PPP2R5A: variants seen among roughly 807,000 people sequenced by gnomAD.
PPP2R5A encodes the protein serine/threonine-protein phosphatase 2A 56 kDa regulatory subunit alpha isoform.
PPP2R5A carries 25 observed loss-of-function variants against 64.2 expected under a neutral mutation model. That is an observed-to-expected ratio of 0.39 (90% CI 0.28 to 0.54). The LOEUF is 0.54. PPP2R5A is among the 20% of genes least tolerant of loss of function. The pLI is 0.67. For missense variants in PPP2R5A, 425 were observed against 576.3 expected (o/e 0.74, Z 2.69); for synonymous variants, 198 against 201.2 (o/e 0.98, Z 0.13).
chr1:212,292,930 G>C (rs1351918523), intron 1 of PPP2R5A, among the ~76,000 whole-genome samples: 1 of 152,160 alleles, frequency 6.6e-6, no homozygotes, highest in Admixed American at 6.5e-5. Flanking sequence ...GGGAATCCAA[G>C]GGAGAGAATA....
chr1:212,317,246 G>A (rs878944165), intron 1 of PPP2R5A, among the ~76,000 whole-genome samples: 1 of 151,822 alleles, frequency 6.6e-6, no homozygotes, highest in Non-Finnish European at 1.5e-5. Flanking sequence ...CTTTTTTTTG[G>A]TGGGGGGTCT....
rs567428186 is a variant in PPP2R5A, at chr1:212,290,361, C to G, written c.181+4070C>G. Among the ~76,000 whole-genome samples the G allele has an allele frequency of 1.9e-4, 29 of 152,290 alleles. No homozygotes were observed. In the South Asian group the frequency reaches 6.0e-3, roughly 32 times the overall value. On this transcript the variant is annotated intron_variant, in intron 1 of 12. Coordinates refer to ENST00000261461, the MANE Select transcript of PPP2R5A (RefSeq NM_006243.4). Reference sequence around the variant, plus strand: ...AACTTTTAAGGTTTATAGATCTTCTCAAAGTTACTATCATTCCATCTAAAC... The same window carrying G: ...AACTTTTAAGGTTTATAGATCTTCTGAAAGTTACTATCATTCCATCTAAAC...
chr1:212,360,911 T>C lies in PPP2R5A; in HGVS notation c.*141T>C, dbSNP rs562935765. 4.2e-4 allele frequency: 300 copies of C among 710,980 alleles called. 2 individuals are homozygous for C. In the South Asian group the frequency reaches 7.2e-3, roughly 17 times the overall value. The allele number at this position is 710,980 out of a possible 1,614,324, so 44.0% of individuals were successfully genotyped here. On this transcript the variant is annotated 3_prime_UTR_variant, in exon 13 of 13. Coordinates refer to ENST00000261461, the MANE Select transcript of PPP2R5A (RefSeq NM_006243.4). ...TGGCAACTGTAAATGGAAAAATATA[T>C]GGACTAAACGTAGCCCTGTGCTGTA...
chr1:212,309,278 G>C lies in PPP2R5A; in HGVS notation c.182-19857G>C, dbSNP rs1267241386. ...TTCTTCATGGCAGACTCAGTGGTCA[G>C]CGGAAACTTGATGATAGCATAGTGG... On this transcript the variant is annotated intron_variant, in intron 1 of 12. Coordinates refer to ENST00000261461, the MANE Select transcript of PPP2R5A (RefSeq NM_006243.4). 2.6e-6 allele frequency: 4 copies of C among 1,527,170 alleles called. No homozygotes were observed. In the Admixed American group the frequency reaches 5.0e-5, roughly 19 times the overall value. 94.6% of individuals were successfully genotyped at this position (1,527,170 alleles called of 1,614,324 possible). A position where few individuals can be genotyped will look rare whatever the true frequency, so the allele number is the denominator to read the frequency against.
chr1:212,308,853 G>C (rs369100635), intron 1 of PPP2R5A, among the ~76,000 whole-genome samples: 1 of 151,674 alleles, frequency 6.6e-6, no homozygotes, highest in Admixed American at 6.6e-5. Flanking sequence ...GCCAGTTCTC[G>C]TCTCCTCATG....
intron 3 of PPP2R5A, among the ~76,000 whole-genome samples, chr1:212,338,257 T>C (rs1400960651): frequency 6.6e-6 from 1 of 152,336 alleles, no homozygotes. Context: ...ATAGTAAGAT[T>C]ACACTCCTCA....
rs142657234 is a variant in PPP2R5A, at chr1:212,347,600, C to T, written c.764+194C>T. On this transcript the variant is annotated intron_variant, in intron 6 of 12. Transcript: ENST00000261461. ...TGTTGCCCAGGCTGGAGTGCAATGG[C>T]GCGTTCTCGGCTCACTGCAACCTCT... Among the ~76,000 whole-genome samples, 2,165 of 150,858 alleles carry T rather than the reference C, an allele frequency of 0.014. 49 individuals are homozygous for T. Among genetic ancestry groups the T allele is most frequent in the African/African-American group, 0.048 (1,987 of 41,010 alleles).
At chr1:212,316,395 ACAT>A (rs1659153555) in intron 1 of PPP2R5A, among the ~76,000 whole-genome samples, 1 of 152,176 alleles carries the variant, frequency 6.6e-6, no homozygotes, top group Non-Finnish European at 1.5e-5. Flanking sequence ...AACAGCCATA[ACAT>A]TTCCTTAAGC....
intron 8 of PPP2R5A, among the ~76,000 whole-genome samples, chr1:212,352,242 T>C (rs1006147606): frequency 6.6e-6 from 1 of 151,926 alleles, no homozygotes; most frequent in Admixed American, 6.6e-5. Flanking sequence ...TTGCCCAGGC[T>C]GGTCTCAAAC....
intron 3 of PPP2R5A, among the ~76,000 whole-genome samples, chr1:212,341,298 C>A (rs1411959337): frequency 1.3e-5 from 2 of 152,104 alleles, no homozygotes; most frequent in Non-Finnish European, 2.9e-5. Context: ...ACATTTCTTC[C>A]CTAGCCCTGT....
At chr1:212,323,435 A>G (rs1372490570) in intron 1 of PPP2R5A, among the ~76,000 whole-genome samples, 2 of 152,254 alleles carry the variant, frequency 1.3e-5, no homozygotes, top group South Asian at 2.1e-4. Flanking sequence ...AATAGACATT[A>G]TATACTTAAT....
At chr1:212,295,273 G>A (rs1658671074) in intron 1 of PPP2R5A, among the ~76,000 whole-genome samples, 1 of 152,166 alleles carries the variant, frequency 6.6e-6, no homozygotes, top group Non-Finnish European at 1.5e-5. Context: ...GCAAAATCTG[G>A]TGAGAGGGAA....
chr1:212,344,727 C>CT (rs779894791), intron 4 of PPP2R5A, among the ~76,000 whole-genome samples: 185 of 152,148 alleles, frequency 1.2e-3, no homozygotes, highest in Non-Finnish European at 1.7e-3. Context: ...GAGATTTTGA[C>CT]TTTAACTTTT....
At chr1:212,289,125 G>C (rs1025269441) in intron 1 of PPP2R5A, among the ~76,000 whole-genome samples, 1 of 152,146 alleles carries the variant, frequency 6.6e-6, no homozygotes, top group Non-Finnish European at 1.5e-5. Flanking sequence ...ATTCTGGAAG[G>C]CTTGGTTTGG....
intron 1 of PPP2R5A, among the ~76,000 whole-genome samples, chr1:212,306,267 G>A (rs1424861260): frequency 6.6e-6 from 1 of 152,102 alleles, no homozygotes; most frequent in Non-Finnish European, 1.5e-5. Flanking sequence ...GGAAAGGAAT[G>A]TGAGCTGGTA....
intron 1 of PPP2R5A, among the ~76,000 whole-genome samples, chr1:212,322,048 C>T (rs1284872969): frequency 5.3e-5 from 8 of 151,444 alleles, no homozygotes; most frequent in Middle Eastern, 3.2e-3. Flanking sequence ...ACCAGTCAGG[C>T]GTGGCGGCGC....
chr1:212,311,115 A>C (rs1221412407), intron 1 of PPP2R5A, among the ~76,000 whole-genome samples: 1 of 152,208 alleles, frequency 6.6e-6, no homozygotes, highest in African/African-American at 2.4e-5. Flanking sequence ...TCATAGAACA[A>C]GGCATGACTC....
chr1:212,301,277 G>T (rs1658796314), intron 1 of PPP2R5A, among the ~76,000 whole-genome samples: 1 of 152,302 alleles, frequency 6.6e-6, no homozygotes, highest in South Asian at 2.1e-4. Context: ...CCCCCAAAGT[G>T]CTGGGATTAC....
At chr1:212,292,520 A>G (rs1490618574) in intron 1 of PPP2R5A, among the ~76,000 whole-genome samples, 1 of 152,112 alleles carries the variant, frequency 6.6e-6, no homozygotes, top group African/African-American at 2.4e-5. Flanking sequence ...TGCTGCTTTT[A>G]GTGATGTTTG....
Sources: allele counts gnomAD v4.1 joint callset (sites outside exome capture counted in the v4.1 genomes callset), GRCh38; gene constraint gnomAD v4.1.1; transcripts MANE v1.5; gene names NCBI Gene and HGNC (gene_info 2026-07-23, HGNC 2026-07-21).